SLC25A24: variants seen among roughly 807,000 people sequenced by gnomAD.
SLC25A24 encodes mitochondrial adenyl nucleotide antiporter SLC25A24.
Under a neutral mutation model 60.7 loss-of-function variants are expected in SLC25A24, and 49 were observed. That is an observed-to-expected ratio of 0.81 (90% CI 0.64 to 1.02). The LOEUF (loss-of-function observed/expected upper bound fraction) is 1.02, where lower values mean the gene tolerates loss of function less well. SLC25A24 is among the 50% of genes least tolerant of loss of function. The pLI is 0.00. For synonymous variants in SLC25A24, 202 were observed against 200.6 expected (o/e 1.01, Z -0.06); for missense variants, 564 against 586.3 (o/e 0.96, Z 0.39).
At chr1:108,188,895 T>C (rs1648245085) in intron 1 of SLC25A24, among the ~76,000 whole-genome samples, 1 of 152,194 alleles carries the variant, frequency 6.6e-6, no homozygotes, top group African/African-American at 2.4e-5. Flanking sequence ...TAGTATAAAA[T>C]ATGTGGTGGA....
intron 1 of SLC25A24, among the ~76,000 whole-genome samples, chr1:108,190,517 G>A (rs1648310010): frequency 1.3e-5 from 2 of 152,068 alleles, no homozygotes; most frequent in Non-Finnish European, 2.9e-5. Context: ...GCAGACTGCT[G>A]TAAATTTTGA....
chr1:108,193,575 A>C lies in SLC25A24; in HGVS notation c.183+6381T>G, dbSNP rs1030513877. Among the ~76,000 whole-genome samples the C allele has an allele frequency of 1.1e-4, 15 of 139,640 alleles. 5 individuals are homozygous for C. The highest frequency in any genetic ancestry group is 8.9e-4 in the Admixed American group (11 of 12,428). 91.6% of individuals were successfully genotyped at this position (139,640 alleles called of 152,430 possible). A position where few individuals can be genotyped will look rare whatever the true frequency, so the allele number is the denominator to read the frequency against. On this transcript the variant is annotated intron_variant, in intron 1 of 9. Transcript: ENST00000565488. Reference sequence around the variant, plus strand: ...GTATGTACCACATTTTCTTTATCCAATCTGCTGCTGATGGGTACCTACATT... The same window carrying C: ...GTATGTACCACATTTTCTTTATCCACTCTGCTGCTGATGGGTACCTACATT...
intron 1 of SLC25A24, among the ~76,000 whole-genome samples, chr1:108,190,341 G>C (rs1297823427): frequency 1.3e-5 from 2 of 152,132 alleles, no homozygotes. Flanking sequence ...AAAAATTAGG[G>C]GGGCTGTCGG....
At chr1:108,191,136 A>C (rs1159567021) in intron 1 of SLC25A24, among the ~76,000 whole-genome samples, 1 of 137,984 alleles carries the variant, frequency 7.2e-6, no homozygotes, top group Non-Finnish European at 1.6e-5. Flanking sequence ...AAGAACACTT[A>C]ACTTTTTTTT....
chr1:108,149,017 A>G (rs908718025), intron 6 of SLC25A24, among the ~76,000 whole-genome samples: 3 of 152,220 alleles, frequency 2.0e-5, no homozygotes, highest in Admixed American at 6.5e-5. Context: ...CTGAAACAGC[A>G]TAACAGCATC....
At chr1:108,185,696 T>TA in intron 2 of SLC25A24, 132 bp downstream of exon 2, 36 of 665,218 alleles carry the variant, frequency 5.4e-5, no homozygotes, top group Non-Finnish European at 7.7e-5. Flanking sequence ...ATCACATTAC[T>TA]AAAAAAAAGT....
chr1:108,141,975 TA>T (rs996116158), intron 8 of SLC25A24, among the ~76,000 whole-genome samples: 21 of 152,214 alleles, frequency 1.4e-4, no homozygotes, highest in Admixed American at 7.2e-4. Context: ...ACTATATATT[TA>T]AAAATGGTTA....
chr1:108,194,416 C>T (rs1648432469), intron 1 of SLC25A24, among the ~76,000 whole-genome samples: 1 of 136,732 alleles, frequency 7.3e-6, no homozygotes, highest in African/African-American at 2.5e-5. Context: ...CAAAGAGCCA[C>T]AGAAGGCAGA....
At chr1:108,147,092 A>T (rs1215424626) in intron 7 of SLC25A24, among the ~76,000 whole-genome samples, 1 of 152,092 alleles carries the variant, frequency 6.6e-6, no homozygotes, top group East Asian at 1.9e-4. Flanking sequence ...CAATTTCAGA[A>T]CATGTTATTG....
chr1:108,151,870 C>A (rs939415401), intron 6 of SLC25A24, among the ~76,000 whole-genome samples: 5 of 152,186 alleles, frequency 3.3e-5, no homozygotes, highest in African/African-American at 1.2e-4. Flanking sequence ...ATTAGAATAT[C>A]ATTCTTGACT....
At chr1:108,167,681 G>A (rs991316294) in intron 3 of SLC25A24, among the ~76,000 whole-genome samples, 1 of 152,152 alleles carries the variant, frequency 6.6e-6, no homozygotes, top group South Asian at 2.1e-4. Flanking sequence ...ACTGACCTGC[G>A]CCCACTGTCT....
Position 108,192,235 on chromosome 1 carries a change from A to G in SLC25A24, c.184-6281T>C, listed in dbSNP as rs1403120761. ...ATTGAACAAGGTGACTCCTAAGACA[A>G]GGCTGTATGTAGCCAACATCTTGAG... On this transcript the variant is annotated intron_variant, in intron 1 of 9. Coordinates refer to ENST00000565488, the MANE Select transcript of SLC25A24 (RefSeq NM_013386.5). Among the ~76,000 whole-genome samples, 2 of 139,464 alleles carry G rather than the reference A, an allele frequency of 1.4e-5. 1 individual carries two copies. Among genetic ancestry groups the G allele is most frequent in the Non-Finnish European group, 3.1e-5 (2 of 63,708 alleles). 91.5% of individuals were successfully genotyped at this position (139,464 alleles called of 152,430 possible). A position where few individuals can be genotyped will look rare whatever the true frequency, so the allele number is the denominator to read the frequency against.
At chr1:108,163,930 G>T (rs1423445626) in intron 3 of SLC25A24, among the ~76,000 whole-genome samples, 1 of 152,306 alleles carries the variant, frequency 6.6e-6, no homozygotes, top group East Asian at 1.9e-4. Flanking sequence ...CTGTGGGTTT[G>T]TCATAGATAG....
chr1:108,180,620 CTCTCT>C lies in SLC25A24; in HGVS notation c.398+1316_398+1320del, dbSNP rs1647886641. On this transcript the variant is annotated intron_variant, in intron 3 of 9. Coordinates refer to ENST00000565488, the MANE Select transcript of SLC25A24 (RefSeq NM_013386.5). Reference sequence around the variant, plus strand: ...ATAATAGAAAGCAAGAGAAAGATCTCTCTCTCTCTCTCTCTCTCTCTCTCTCTCTC... The same window carrying C: ...ATAATAGAAAGCAAGAGAAAGATCTCCTCTCTCTCTCTCTCTCTCTCTCTC... Among the ~76,000 whole-genome samples, 502 of 131,990 alleles carry C rather than the reference CTCTCT, an allele frequency of 3.8e-3. 11 individuals carry two copies. The highest frequency in any genetic ancestry group is 7.4e-3 in the Middle Eastern group (2 of 272). The allele number at this position is 131,990 out of a possible 152,430, so 86.6% of individuals were successfully genotyped here. A position where few individuals can be genotyped will look rare whatever the true frequency, so the allele number is the denominator to read the frequency against.
At chr1:108,165,953 A>G (rs1404085223) in intron 3 of SLC25A24, among the ~76,000 whole-genome samples, 2 of 152,286 alleles carry the variant, frequency 1.3e-5, no homozygotes, top group South Asian at 2.1e-4. Flanking sequence ...TTCCATGTTA[A>G]GCACTTCCTT....
intron 1 of SLC25A24, among the ~76,000 whole-genome samples, chr1:108,196,214 A>G (rs1648494370): frequency 6.6e-6 from 1 of 152,142 alleles, no homozygotes; most frequent in Non-Finnish European, 1.5e-5. Flanking sequence ...TAAGAGTTAG[A>G]ATGGCCCTTA....
intron 7 of SLC25A24, 77 bp downstream of exon 7, chr1:108,148,202 T>C: frequency 1.1e-6 from 1 of 880,686 alleles, no homozygotes; most frequent in South Asian, 1.3e-5. Context: ...ACTGTTAATT[T>C]TGGGATAACT....
At chr1:108,173,038 A>G (rs1647514910) in intron 3 of SLC25A24, among the ~76,000 whole-genome samples, 1 of 152,190 alleles carries the variant, frequency 6.6e-6, no homozygotes, top group Non-Finnish European at 1.5e-5. Flanking sequence ...GGTTATCTAG[A>G]GAAGCAGAAA....
chr1:108,157,274 T>C (rs1679927480), intron 5 of SLC25A24, among the ~76,000 whole-genome samples, 188 bp downstream of exon 5: 1 of 152,246 alleles, frequency 6.6e-6, no homozygotes, highest in African/African-American at 2.4e-5. Context: ...GTACTAACAA[T>C]TTAAGGTTTG....
Sources: gnomAD v4.1 joint callset for allele counts (sites outside exome capture counted in the v4.1 genomes callset) on GRCh38, gnomAD v4.1.1 for gene constraint, MANE v1.5 for transcripts, NCBI Gene and HGNC (gene_info 2026-07-23, HGNC 2026-07-21) for gene names.